OSBPL10: variants seen among roughly 807,000 people sequenced by gnomAD.
OSBPL10 encodes oxysterol-binding protein-related protein 10.
Under a neutral mutation model 81.7 loss-of-function variants are expected in OSBPL10, and 49 were observed. The ratio of observed to expected loss-of-function variants is 0.60; its 90% CI spans 0.48 to 0.76. The LOEUF is 0.76. OSBPL10 is among the 30% of genes least tolerant of loss of function. The pLI is 0.00. For synonymous variants in OSBPL10, 419 were observed against 383.6 expected, an observed-to-expected ratio of 1.09 and a Z score of -1.08; for missense variants, 923 against 987.8, an observed-to-expected ratio of 0.93 and a Z score of 0.88.
intron 3 of OSBPL10, among the ~76,000 whole-genome samples, chr3:31,859,963 T>G (rs984107028): frequency 1.3e-5 from 2 of 152,154 alleles, no homozygotes; most frequent in Admixed American, 6.6e-5. Context: ...ACTTGGAGAT[T>G]GCCATGTAGG....
At chr3:31,931,190 T>C (rs1349690234) in intron 1 of OSBPL10, among the ~76,000 whole-genome samples, 1 of 151,984 alleles carries the variant, frequency 6.6e-6, no homozygotes, top group Non-Finnish European at 1.5e-5. Context: ...CATGGCATTC[T>C]CTTTTGGATT....
chr3:32,059,243 C>T (rs1403000467), intron 1 of OSBPL10, among the ~76,000 whole-genome samples: 6 of 152,000 alleles, frequency 3.9e-5, no homozygotes, highest in Non-Finnish European at 7.4e-5. Flanking sequence ...TTGCAGTGAG[C>T]CACGATCATG....
rs1553630931 is a variant in OSBPL10 at position 31,827,648 on chromosome 3, AAT to A, written c.729+2390_729+2391del. Among the ~76,000 whole-genome samples the A allele has an allele frequency of 2.0e-5, 3 of 152,016 alleles. No homozygotes were observed. The East Asian group carries it at 5.8e-4, about 29-fold the overall frequency. On this transcript the variant is annotated intron_variant, in intron 4 of 11. Transcript: ENST00000396556. ...GAGACTCTGTCTCAAAAAAAAAAAA[AAT>A]TTTTTTTAGATTGCTCTGTATAGAT...
At chr3:32,013,408 C>G (rs977779712) in intron 2 of OSBPL10, among the ~76,000 whole-genome samples, 2 of 152,034 alleles carry the variant, frequency 1.3e-5, no homozygotes, top group African/African-American at 2.4e-5. Context: ...AGAACAAAGA[C>G]ACAACATACC....
intron 4 of OSBPL10, among the ~76,000 whole-genome samples, chr3:31,781,183 C>G (rs1575540015): frequency 6.6e-6 from 1 of 152,152 alleles, no homozygotes; most frequent in Non-Finnish European, 1.5e-5. Context: ...AAATGTGATA[C>G]ATCACATAAA....
intron 3 of OSBPL10, among the ~76,000 whole-genome samples, chr3:31,861,766 T>C (rs1431877038): frequency 6.6e-6 from 1 of 152,192 alleles, no homozygotes; most frequent in East Asian, 1.9e-4. Flanking sequence ...AGGCCGGTCT[T>C]CCTGGGGTGA....
intron 7 of OSBPL10, among the ~76,000 whole-genome samples, chr3:31,689,375 A>C (rs917193642): frequency 6.6e-6 from 1 of 152,184 alleles, no homozygotes; most frequent in Non-Finnish European, 1.5e-5. Flanking sequence ...TGAATATGAA[A>C]TAATATTGCC....
chr3:31,715,870 G>A (rs1016254036), intron 6 of OSBPL10, among the ~76,000 whole-genome samples: 8 of 152,210 alleles, frequency 5.3e-5, no homozygotes, highest in East Asian at 1.9e-4. Context: ...AAAGAGACAC[G>A]AGACTAAAGT....
chr3:31,862,359 T>C (rs1701077106), intron 3 of OSBPL10, among the ~76,000 whole-genome samples: 1 of 152,178 alleles, frequency 6.6e-6, no homozygotes, highest in Admixed American at 6.5e-5. Context: ...CCTGGTTTAA[T>C]TCTAACAATA....
At chr3:31,802,968 CTTTTTTTTT>C (rs376218656) in intron 4 of OSBPL10, among the ~76,000 whole-genome samples, 1 of 130,008 alleles carries the variant, frequency 7.7e-6, no homozygotes, top group African/African-American at 3.0e-5. Context: ...GTATTGGGTC[CTTTTTTTTT>C]TTTTTTTTTT....
intron 1 of OSBPL10, among the ~76,000 whole-genome samples, chr3:31,905,200 G>A (rs182679290): frequency 6.6e-6 from 1 of 152,048 alleles, no homozygotes; most frequent in East Asian, 1.9e-4. Flanking sequence ...AATTTTTCAG[G>A]GGCATGAGTT....
At chr3:31,817,397 G>A (rs1467364652) in intron 4 of OSBPL10, among the ~76,000 whole-genome samples, 3 of 152,190 alleles carry the variant, frequency 2.0e-5, no homozygotes, top group Non-Finnish European at 2.9e-5. Context: ...AGGGTACAAG[G>A]GAGGCCCTTC....
At chr3:31,744,554 A>G (rs1239008455) in intron 5 of OSBPL10, among the ~76,000 whole-genome samples, 5 of 147,996 alleles carry the variant, frequency 3.4e-5, no homozygotes, top group Non-Finnish European at 6.0e-5. Flanking sequence ...AAAAAAAAGG[A>G]AAGAAAGAAA....
chr3:31,848,147 G>A (rs1304386614), intron 3 of OSBPL10, among the ~76,000 whole-genome samples: 3 of 152,130 alleles, frequency 2.0e-5, no homozygotes, highest in Non-Finnish European at 4.4e-5. Flanking sequence ...CACCTGCCCT[G>A]AAGCTTTGTT....
chr3:31,990,533 A>G (rs1699014557), intron 2 of OSBPL10: 1 of 1,612,964 alleles, frequency 6.2e-7, no homozygotes, highest in Non-Finnish European at 8.5e-7. Context: ...TACAAGTGTA[A>G]TGAGTGTGGC....
chr3:31,981,445 G>C (rs1698842054), upstream of OSBPL10: 1 of 458,060 alleles, frequency 2.2e-6, no homozygotes. This position sits in a 1 kb window ranked among gnomAD's most constrained non-coding sequence, Gnocchi z 4.5. Flanking sequence ...TCCCGGGCAA[G>C]TTCGGAGCGG....
chr3:31,749,715 T>C (rs1697653858), intron 4 of OSBPL10, among the ~76,000 whole-genome samples: 1 of 151,988 alleles, frequency 6.6e-6, no homozygotes, highest in South Asian at 2.1e-4. Context: ...CTCAGGAGGC[T>C]GAGGGAGGAG....
chr3:31,836,352 T>C (rs1485597398), intron 3 of OSBPL10, among the ~76,000 whole-genome samples: 3 of 152,252 alleles, frequency 2.0e-5, no homozygotes, highest in Non-Finnish European at 2.9e-5. Context: ...ACGAAGTCTC[T>C]AGCCTGCTTC....
intron 1 of OSBPL10, among the ~76,000 whole-genome samples, chr3:31,945,852 G>A (rs115237752): frequency 0.012 from 1,893 of 152,228 alleles, 32 homozygotes; most frequent in African/African-American, 0.043. Context: ...TACAAATAGG[G>A]TTACTGGCCA....
Sources: allele counts gnomAD v4.1 joint callset (sites outside exome capture counted in the v4.1 genomes callset), GRCh38; gene constraint gnomAD v4.1.1; non-coding constraint Gnocchi (gnomAD v3.1); transcripts MANE v1.5; gene names NCBI Gene and HGNC (gene_info 2026-07-23, HGNC 2026-07-21).